The following SPRED2 variants were observed in gnomAD, a reference collection of about 807,000 sequenced individuals.
SPRED2 encodes the protein sprouty-related, EVH1 domain-containing protein 2.
In SPRED2, 47 loss-of-function variants were observed where a neutral mutation model predicts 43.0. The ratio of observed to expected loss-of-function variants is 1.09; its 90% CI spans 0.87 to 1.40. The LOEUF is 1.40. Ranked by LOEUF, SPRED2 falls within the 40% of genes most tolerant of loss-of-function variation. SPRED2 has a pLI of 0.00. For missense variants in SPRED2, 561 were observed against 586.4 expected, an observed-to-expected ratio of 0.96 and a Z score of 0.45; for synonymous variants, 225 against 225.7, an observed-to-expected ratio of 1.00 and a Z score of 0.03.
At position 65,432,191 on chromosome 2, in the gene SPRED2, C is replaced by A; in HGVS notation, c.-204G>T. On this transcript the variant is annotated 5_prime_UTR_variant, in exon 1 of 6. Coordinates refer to ENST00000356388, the MANE Select transcript of SPRED2 (RefSeq NM_181784.3). ...GGAAGGGGTGCAAAGGCAGGCTGCGCGGGGAGTGAACGCCGCAGCGCCGTG... is the reference window on the plus strand; with the variant it reads ...GGAAGGGGTGCAAAGGCAGGCTGCGAGGGGAGTGAACGCCGCAGCGCCGTG... 1 of 613,648 alleles carries A rather than the reference C, an allele frequency of 1.6e-6. No homozygotes were observed. Among genetic ancestry groups the A allele is most frequent in the Admixed American group, 2.7e-5 (1 of 37,194 alleles). The allele number at this position is 613,648 out of a possible 1,614,324, so 38.0% of individuals were successfully genotyped here.
At position 65,431,415 on chromosome 2, in the gene SPRED2, C is replaced by G. The variant is rs959307172; in HGVS notation, c.26+547G>C. Among the ~76,000 whole-genome samples, 4 of 151,932 alleles carry G rather than the reference C, an allele frequency of 2.6e-5. No individual in the cohort carries two copies. The East Asian group carries it at 5.9e-4, about 22-fold the overall frequency. On this transcript the variant is annotated intron_variant, in intron 1 of 5. Coordinates refer to ENST00000356388, the MANE Select transcript of SPRED2 (RefSeq NM_181784.3). ...CGGGGACCCTGGCGCACCAGACCCC[C>G]GCGCAGCCCGCGCCTGTCCTCCTCT...
At chr2:65,405,611 C>G (rs1486409926) in intron 1 of SPRED2, among the ~76,000 whole-genome samples, 1 of 152,178 alleles carries the variant, frequency 6.6e-6, no homozygotes, top group Non-Finnish European at 1.5e-5. Flanking sequence ...TCAACGCCCC[C>G]AGAAGATTAA....
Position 65,313,242 on chromosome 2 carries a change from G to C in SPRED2, c.*259C>G. 7.8e-7 allele frequency: 1 copy of C among 1,275,490 alleles called. No individual in the cohort carries two copies. The highest frequency in any genetic ancestry group is 9.9e-7 in the Non-Finnish European group (1 of 1,011,510). The allele number at this position is 1,275,490 out of a possible 1,614,324, so 79.0% of individuals were successfully genotyped here. On this transcript the variant is annotated 3_prime_UTR_variant, in exon 6 of 6. Transcript: ENST00000356388. ...CAGATTGTTAATAGTACAGGAGTCTGTGGCGAAGGTTCCTTCCTCAGAACA... is the reference window on the plus strand; with the variant it reads ...CAGATTGTTAATAGTACAGGAGTCTCTGGCGAAGGTTCCTTCCTCAGAACA...
chr2:65,381,637 C>G lies in SPRED2; in HGVS notation c.27-36741G>C, dbSNP rs909059374. Among the ~76,000 whole-genome samples, 4 of 152,244 alleles carry G rather than the reference C, an allele frequency of 2.6e-5. No individual in the cohort carries two copies. The South Asian group carries it at 6.2e-4, about 24-fold the overall frequency. The stretch of plus-strand genomic sequence containing the variant: ...CAGCAAAGGTTCAGTACATGACAGA[C>G]AGCAGGGTGGGCAAAATGTGGCAAA... On this transcript the variant is annotated intron_variant, in intron 1 of 5. Transcript: ENST00000356388.
At chr2:65,325,425 G>A (rs1050435989) in intron 4 of SPRED2, among the ~76,000 whole-genome samples, 2 of 152,238 alleles carry the variant, frequency 1.3e-5, no homozygotes, top group African/African-American at 4.8e-5. Context: ...TATACAGGGA[G>A]ATTCGAAAAC....
chr2:65,355,950 G>A (rs1015765380), intron 1 of SPRED2, among the ~76,000 whole-genome samples: 1 of 152,198 alleles, frequency 6.6e-6, no homozygotes, highest in Non-Finnish European at 1.5e-5. Flanking sequence ...TAATGGAAAT[G>A]TCAGATTACT....
intron 1 of SPRED2, among the ~76,000 whole-genome samples, chr2:65,407,197 A>G (rs1217021743): frequency 1.3e-5 from 2 of 148,812 alleles, no homozygotes; most frequent in Non-Finnish European, 3.0e-5. Context: ...AAAGTGCTGG[A>G]ATTACAGGTG....
intron 1 of SPRED2, among the ~76,000 whole-genome samples, chr2:65,376,222 G>A (rs970771557): frequency 1.3e-5 from 2 of 152,138 alleles, no homozygotes; most frequent in African/African-American, 4.8e-5. Context: ...GTGAAGAAGG[G>A]GAAACGCCCA....
intron 1 of SPRED2, among the ~76,000 whole-genome samples, chr2:65,383,603 A>G (rs1477408624): frequency 1.2e-4 from 19 of 152,110 alleles, no homozygotes; most frequent in Non-Finnish European, 2.9e-5. Flanking sequence ...TGGGTTCCCT[A>G]TGTTCTGAGA....
chr2:65,395,698 T>G (rs1675742864), intron 1 of SPRED2, among the ~76,000 whole-genome samples: 1 of 152,202 alleles, frequency 6.6e-6, no homozygotes, highest in South Asian at 2.1e-4. Flanking sequence ...CATAGGGCAG[T>G]TATGAGAATT....
intron 1 of SPRED2, among the ~76,000 whole-genome samples, chr2:65,390,065 A>T (rs1298759037): frequency 1.3e-5 from 2 of 152,220 alleles, no homozygotes; most frequent in Admixed American, 1.3e-4. Flanking sequence ...TTCTTCCTGC[A>T]ATTCGCAGAG....
rs138667846 is a variant in SPRED2 at position 65,367,344 on chromosome 2, C to T, written c.27-22448G>A. Among the ~76,000 whole-genome samples the T allele has an allele frequency of 6.8e-3, 1,035 of 151,974 alleles. 12 individuals are homozygous for T. Among genetic ancestry groups the T allele is most frequent in the Middle Eastern group, 0.037 (11 of 294 alleles). ...ATTTTAGCAAAAAATAAATAAGGGA[C>T]GGGGTAAAGAAATGTGGCAAAATCT... On this transcript the variant is annotated intron_variant, in intron 1 of 5. Transcript: ENST00000356388.
In SPRED2 at chr2:65,396,211, G is replaced by A. The variant is rs370406867; in HGVS notation, c.26+35751C>T. Among the ~76,000 whole-genome samples the A allele has an allele frequency of 5.9e-5, 9 of 152,228 alleles. 1 individual carries two copies. The highest frequency in any genetic ancestry group is 2.2e-4 in the African/African-American group (9 of 41,550). On this transcript the variant is annotated intron_variant, in intron 1 of 5. Transcript: ENST00000356388. ...ACTCTTCCTCTCTTCCACCTGTTTT[G>A]GTTTTGTTTTCTAACTTTTGTGCTA...
At chr2:65,343,269 T>C (rs943543836) in intron 2 of SPRED2, among the ~76,000 whole-genome samples, 6 of 152,236 alleles carry the variant, frequency 3.9e-5, no homozygotes, top group Non-Finnish European at 8.8e-5. Context: ...AAGAATGTTT[T>C]CATTATTTGA....
rs550724269 is a variant in SPRED2 at position 65,386,948 on chromosome 2, C to A, written c.27-42052G>T. On this transcript the variant is annotated intron_variant, in intron 1 of 5. Coordinates refer to ENST00000356388, the MANE Select transcript of SPRED2 (RefSeq NM_181784.3). ...CACCATACTTCACCTAGAACTCACA[C>A]GGATGAACAGTTTTCTACATATGGC... Among the ~76,000 whole-genome samples the A allele has an allele frequency of 1.1e-4, 17 of 150,454 alleles. No homozygotes were observed. The East Asian group carries it at 2.9e-3, about 26-fold the overall frequency.
intron 1 of SPRED2, chr2:65,366,469 G>T: frequency 1.0e-6 from 1 of 984,806 alleles, no homozygotes; most frequent in Non-Finnish European, 1.5e-6. Flanking sequence ...CATACACACT[G>T]TGGTCCTCTA....
chr2:65,345,441 T>C (rs1674325439), intron 1 of SPRED2, among the ~76,000 whole-genome samples: 2 of 152,074 alleles, frequency 1.3e-5, no homozygotes, highest in South Asian at 2.1e-4. Flanking sequence ...TTTGTATTTT[T>C]AGTAGAGATG....
At chr2:65,329,990 C>A (rs1261146440) in intron 4 of SPRED2, among the ~76,000 whole-genome samples, 6 of 152,172 alleles carry the variant, frequency 3.9e-5, no homozygotes, top group Non-Finnish European at 8.8e-5. Flanking sequence ...CACCTTTGCC[C>A]CTGTGGCTCC....
chr2:65,411,796 C>A (rs1399180671), intron 1 of SPRED2, among the ~76,000 whole-genome samples: 2 of 152,040 alleles, frequency 1.3e-5, no homozygotes, highest in East Asian at 3.9e-4. Context: ...ACAGAGGTGG[C>A]CTTTAGGATT....
Sources: allele counts gnomAD v4.1 joint callset (sites outside exome capture counted in the v4.1 genomes callset), GRCh38; gene constraint gnomAD v4.1.1; transcripts MANE v1.5; gene names NCBI Gene and HGNC (gene_info 2026-07-23, HGNC 2026-07-21).